RANBP2: variants seen among roughly 807,000 people sequenced by gnomAD.
RANBP2 encodes the protein RAN binding protein 2.
A neutral mutation model predicts 303.6 loss-of-function variants in RANBP2; 57 were observed. That is an observed-to-expected ratio of 0.19 (90% CI 0.15 to 0.23). RANBP2 has a LOEUF of 0.23. RANBP2 is among the 10% of genes least tolerant of loss of function. RANBP2 has a pLI of 1.00. For missense variants in RANBP2, 3,138 were observed against 3,780.8 expected (o/e 0.83, Z 4.46); for synonymous variants, 1,167 against 1,301.5 (o/e 0.90, Z 2.23).
At chr2:109,467,081 A>G in the RANBP2 span, among the ~76,000 whole-genome samples, 1 of 152,250 alleles carries the variant, frequency 6.6e-6, no homozygotes, top group African/African-American at 2.4e-5. Flanking sequence ...TACTTGGGAA[A>G]ATGGTTCAGC....
At chr2:108,990,799 G>A in the RANBP2 span, among the ~76,000 whole-genome samples, 6 of 152,172 alleles carry the variant, frequency 3.9e-5, no homozygotes, top group Non-Finnish European at 1.5e-5. Flanking sequence ...AGGTTTGGTT[G>A]TCTACCCTGC....
chr2:108,827,709 G>A, the RANBP2 span, among the ~76,000 whole-genome samples: 1 of 151,800 alleles, frequency 6.6e-6, no homozygotes, highest in Non-Finnish European at 1.5e-5. Context: ...CCAGCTACTC[G>A]GGAGGCTGAG....
At chr2:109,766,726 C>G in the RANBP2 span, among the ~76,000 whole-genome samples, 1 of 147,700 alleles carries the variant, frequency 6.8e-6, no homozygotes, top group Admixed American at 7.0e-5. Context: ...AAAAACCTCT[C>G]AATATGGAAT....
chr2:109,238,663 G>A, the RANBP2 span, among the ~76,000 whole-genome samples: 169 of 152,272 alleles, frequency 1.1e-3, no homozygotes, highest in Middle Eastern at 3.4e-3. Flanking sequence ...ATGAATGGAG[G>A]AGGAGAGTGC....
chr2:109,144,121 T>C, the RANBP2 span, among the ~76,000 whole-genome samples: 3 of 152,254 alleles, frequency 2.0e-5, no homozygotes, highest in Non-Finnish European at 4.4e-5. Flanking sequence ...GGAGTTCTAC[T>C]GTGCAGCATG....
chr2:108,738,976 A>T (rs985047473), intron 6 of RANBP2, among the ~76,000 whole-genome samples: 2 of 152,168 alleles, frequency 1.3e-5, no homozygotes, highest in Admixed American at 6.5e-5. Flanking sequence ...AACAGCAAAA[A>T]AGTAGTCAGA....
the RANBP2 span, among the ~76,000 whole-genome samples, chr2:108,857,590 C>T: frequency 6.6e-6 from 1 of 152,104 alleles, no homozygotes; most frequent in Non-Finnish European, 1.5e-5. Flanking sequence ...CCAAAATGTC[C>T]TATATTGTCT....
At chr2:109,631,022 C>T in the RANBP2 span, among the ~76,000 whole-genome samples, 8 of 152,156 alleles carry the variant, frequency 5.3e-5, no homozygotes, top group Non-Finnish European at 8.8e-5. Context: ...ACCGAGGTCA[C>T]GGCACTGCAC....
chr2:108,843,886 C>CTTTTTTT, the RANBP2 span, among the ~76,000 whole-genome samples: 1 of 94,018 alleles, frequency 1.1e-5, no homozygotes. Flanking sequence ...GTGTTTCTTT[C>CTTTTTTT]TTTTTTTTTT....
chr2:109,185,705 T>G, the RANBP2 span, among the ~76,000 whole-genome samples: 7 of 152,192 alleles, frequency 4.6e-5, no homozygotes, highest in Admixed American at 4.6e-4. Flanking sequence ...AAAAGACGAT[T>G]TCTGGAAAGG....
At chr2:109,025,938 T>A in the RANBP2 span, among the ~76,000 whole-genome samples, 3 of 152,150 alleles carry the variant, frequency 2.0e-5, no homozygotes, top group African/African-American at 7.2e-5. Flanking sequence ...CCTGGGACAG[T>A]CCCAGCTGAT....
At chr2:108,836,521 G>C in the RANBP2 span, among the ~76,000 whole-genome samples, 1 of 152,176 alleles carries the variant, frequency 6.6e-6, no homozygotes, top group Non-Finnish European at 1.5e-5. Flanking sequence ...CATATACCCA[G>C]AAGTGGGATT....
the RANBP2 span, chr2:109,545,382 T>C: frequency 3.9e-6 from 6 of 1,522,208 alleles, no homozygotes; most frequent in South Asian, 1.2e-5. Flanking sequence ...TTTTAACACA[T>C]ACCCCAAACC....
chr2:108,843,880 T>TG, the RANBP2 span, among the ~76,000 whole-genome samples: 22 of 94,138 alleles, frequency 2.3e-4, no homozygotes, highest in Admixed American at 2.3e-3. Context: ...GTGTGTGTGT[T>TG]TCTTTCTTTT....
At chr2:109,364,093 A>G in the RANBP2 span, among the ~76,000 whole-genome samples, 3 of 150,222 alleles carry the variant, frequency 2.0e-5, no homozygotes, top group Non-Finnish European at 4.4e-5. Flanking sequence ...TTCCCATTAC[A>G]TATGTATAAT....
rs1366607413 is a variant in RANBP2 at position 108,722,104 on chromosome 2, G to A, written c.72+2426G>A. ...GCTTAGAGCCTTTCTGAGATTCTTAGTGGGGACCTTGGCTTCCAAAAGATT... is the reference window on the plus strand; with the variant it reads ...GCTTAGAGCCTTTCTGAGATTCTTAATGGGGACCTTGGCTTCCAAAAGATT... On this transcript the variant is annotated intron_variant, in intron 1 of 28. Coordinates refer to ENST00000283195, the MANE Select transcript of RANBP2 (RefSeq NM_006267.5). Among the ~76,000 whole-genome samples the A allele has an allele frequency of 2.7e-5, 4 of 150,100 alleles. No individual in the cohort carries two copies. In the East Asian group the frequency reaches 7.8e-4, roughly 29 times the overall value.
At chr2:109,720,014 C>T in the RANBP2 span, among the ~76,000 whole-genome samples, 1 of 152,194 alleles carries the variant, frequency 6.6e-6, no homozygotes, top group East Asian at 1.9e-4. Flanking sequence ...TCGTGATCGG[C>T]TGCACCTGGC....
At chr2:109,402,500 G>A in the RANBP2 span, among the ~76,000 whole-genome samples, 1 of 152,244 alleles carries the variant, frequency 6.6e-6, no homozygotes, top group African/African-American at 2.4e-5. Context: ...GGGAAACGTG[G>A]AGTGGACAGA....
the RANBP2 span, among the ~76,000 whole-genome samples, chr2:109,486,657 C>A: frequency 2.6e-5 from 4 of 152,140 alleles, no homozygotes; most frequent in African/African-American, 9.7e-5. Flanking sequence ...GGTGGGGATG[C>A]AGAGCCGGGC....
Sources: allele counts gnomAD v4.1 joint callset (sites outside exome capture counted in the v4.1 genomes callset), GRCh38; gene constraint gnomAD v4.1.1; transcripts MANE v1.5; gene names NCBI Gene and HGNC (gene_info 2026-07-23, HGNC 2026-07-21).